The following KCNQ1OT1 variants were observed in gnomAD, a reference collection of about 807,000 sequenced individuals.
KCNQ1OT1 encodes the protein KCNQ1 opposite strand/antisense transcript 1.
chr11:2,641,838 C>T (rs1849583697), exon 1 of KCNQ1OT1: 1 of 398,366 alleles, frequency 2.5e-6, no homozygotes. Context: ...GAAACGGTTT[C>T]ATTTTTCACA....
chr11:2,632,567 A>T (rs957446617), exon 1 of KCNQ1OT1: 18 of 398,198 alleles, frequency 4.5e-5, no homozygotes, highest in Middle Eastern at 1.2e-3. Context: ...TATTTATGGG[A>T]TATACACAGT....
chr11:2,646,575 G>C, exon 1 of KCNQ1OT1: 3 of 398,592 alleles, frequency 7.5e-6, no homozygotes, highest in Non-Finnish European at 1.3e-5. Flanking sequence ...GCCCAGGCTG[G>C]GGTGCAATGG....
Position 2,677,561 on chromosome 11 carries a change from C to T in KCNQ1OT1, n.22434G>A, listed in dbSNP as rs922023094. The T allele has an allele frequency of 5.0e-6, 2 of 398,396 alleles. No homozygotes were observed. The highest frequency in any genetic ancestry group is 4.4e-5 in the Admixed American group (1 of 22,704). 24.7% of individuals were successfully genotyped at this position (398,396 alleles called of 1,614,324 possible). A position where few individuals can be genotyped will look rare whatever the true frequency, so the allele number is the denominator to read the frequency against. On this transcript the variant is annotated non_coding_transcript_exon_variant, in exon 1 of 1. Coordinates refer to ENST00000597346, the Ensembl canonical transcript of KCNQ1OT1. This position sits in a 1 kb window ranked among gnomAD's most constrained non-coding sequence, Gnocchi z 4.5. ...TATAAAAGATGCCCTCAGATGTTAC[C>T]ATATAATGCTTTACAAAAGACAAAC...
Position 2,670,730 on chromosome 11 carries a change from TG to T in KCNQ1OT1, n.29264del. 1 of 398,582 alleles carries T rather than the reference TG, an allele frequency of 2.5e-6. No homozygotes were observed. The highest frequency in any genetic ancestry group is 4.4e-6 in the Non-Finnish European group (1 of 226,078). 24.7% of individuals were successfully genotyped at this position (398,582 alleles called of 1,614,324 possible). On this transcript the variant is annotated non_coding_transcript_exon_variant, in exon 1 of 1. Transcript: ENST00000597346. This position sits in a 1 kb window ranked among gnomAD's most constrained non-coding sequence, Gnocchi z 4.9. ...GCCCATGGAGCAGGAGGGAACAGTC[TG>T]CAGATATTATCTGGGCACTGGCCAG...
At chr11:2,633,137 G>A (rs1849390743) in exon 1 of KCNQ1OT1, 2 of 398,308 alleles carry the variant, frequency 5.0e-6, no homozygotes, top group African/African-American at 4.1e-5. Flanking sequence ...GTCTCACTGT[G>A]GCTTTGACTT....
rs1192424479 is a variant in KCNQ1OT1, at chr11:2,626,843, A to T, written n.73152T>A. 1 of 398,580 alleles carries T rather than the reference A, an allele frequency of 2.5e-6. No individual in the cohort carries two copies. The highest frequency in any genetic ancestry group is 4.4e-6 in the Non-Finnish European group (1 of 226,048). The allele number at this position is 398,580 out of a possible 1,614,324, so 24.7% of individuals were successfully genotyped here. A position where few individuals can be genotyped will look rare whatever the true frequency, so the allele number is the denominator to read the frequency against. On this transcript the variant is annotated non_coding_transcript_exon_variant, in exon 1 of 1. Coordinates refer to ENST00000597346, the Ensembl canonical transcript of KCNQ1OT1. The surrounding 1 kb of genome is among the most constrained non-coding windows in gnomAD (Gnocchi z 4.0). ...GTACCTGGCCTGTAGTAAGTTTTCAAATCAGAAAGTGTGAGTCCTCCAATG... is the reference window on the plus strand; with the variant it reads ...GTACCTGGCCTGTAGTAAGTTTTCATATCAGAAAGTGTGAGTCCTCCAATG...
Position 2,674,547 on chromosome 11 carries a change from A to T in KCNQ1OT1, n.25448T>A. 2.5e-6 allele frequency: 1 copy of T among 398,614 alleles called. No homozygotes were observed. The highest frequency in any genetic ancestry group is 4.4e-6 in the Non-Finnish European group (1 of 226,054). The allele number at this position is 398,614 out of a possible 1,614,324, so 24.7% of individuals were successfully genotyped here. Reference sequence around the variant, plus strand: ...AAGCCCATTCGGAGGATTTAGACAAATACCTCGAGTGAGTGAATCTGAAGC... The same window carrying T: ...AAGCCCATTCGGAGGATTTAGACAATTACCTCGAGTGAGTGAATCTGAAGC... On this transcript the variant is annotated non_coding_transcript_exon_variant, in exon 1 of 1. Transcript: ENST00000597346. This position sits in a 1 kb window ranked among gnomAD's most constrained non-coding sequence, Gnocchi z 5.9.
chr11:2,622,972 T>G (rs1849199789), exon 1 of KCNQ1OT1: 6 of 398,658 alleles, frequency 1.5e-5, no homozygotes, highest in Admixed American at 4.4e-5. Flanking sequence ...TTGATATGGT[T>G]TGGCTCTGTG....
chr11:2,677,577 A>T lies in KCNQ1OT1; in HGVS notation n.22418T>A. The T allele has an allele frequency of 2.5e-6, 1 of 398,654 alleles. No individual in the cohort carries two copies. The highest frequency in any genetic ancestry group is 3.6e-5 in the East Asian group (1 of 28,078). The allele number at this position is 398,654 out of a possible 1,614,324, so 24.7% of individuals were successfully genotyped here. On this transcript the variant is annotated non_coding_transcript_exon_variant, in exon 1 of 1. Transcript: ENST00000597346. The surrounding 1 kb of genome is among the most constrained non-coding windows in gnomAD (Gnocchi z 4.5). Reference sequence around the variant, plus strand: ...AGATGTTACCATATAATGCTTTACAAAAGACAAACCAAAATCCCCTCTGGA... The same window carrying T: ...AGATGTTACCATATAATGCTTTACATAAGACAAACCAAAATCCCCTCTGGA...
Position 2,617,985 on chromosome 11 carries a change from GCCTTTT to G in KCNQ1OT1, n.82004_82009del, listed in dbSNP as rs1196312139. ...AATATTTTCTTCTAGTCCATAGGTT[GCCTTTT>G]CCTTTTGTTGACTGTTTCCGTTCCT... On this transcript the variant is annotated non_coding_transcript_exon_variant, in exon 1 of 1. Coordinates refer to ENST00000597346, the Ensembl canonical transcript of KCNQ1OT1. This position sits in a 1 kb window ranked among gnomAD's most constrained non-coding sequence, Gnocchi z 4.6. 2.5e-6 allele frequency: 1 copy of G among 398,362 alleles called. No homozygotes were observed. Among genetic ancestry groups the G allele is most frequent in the Non-Finnish European group, 4.4e-6 (1 of 226,048 alleles). The allele number at this position is 398,362 out of a possible 1,614,324, so 24.7% of individuals were successfully genotyped here. A position where few individuals can be genotyped will look rare whatever the true frequency, so the allele number is the denominator to read the frequency against.
rs1017791484 is a variant in KCNQ1OT1, at chr11:2,669,219, G to A, written n.30776C>T. 2 of 398,584 alleles carry A rather than the reference G, an allele frequency of 5.0e-6. No homozygotes were observed. Among genetic ancestry groups the A allele is most frequent in the Non-Finnish European group, 8.8e-6 (2 of 226,120 alleles). 24.7% of individuals were successfully genotyped at this position (398,584 alleles called of 1,614,324 possible). A position where few individuals can be genotyped will look rare whatever the true frequency, so the allele number is the denominator to read the frequency against. On this transcript the variant is annotated non_coding_transcript_exon_variant, in exon 1 of 1. Transcript: ENST00000597346. The surrounding 1 kb of genome is among the most constrained non-coding windows in gnomAD (Gnocchi z 5.6). ...TGTAGTTTGCTAACAGGTTTTGACA[G>A]CTGGTCCTGCTGGCTCTGGCTGCTT... is the stretch of plus-strand genomic sequence containing the variant.
exon 1 of KCNQ1OT1, chr11:2,625,283 C>G: frequency 2.5e-6 from 1 of 398,674 alleles, no homozygotes; most frequent in Non-Finnish European, 4.4e-6. Context: ...CAAGATCTGG[C>G]TCTGTCACTT....
rs1193557714 is a variant in KCNQ1OT1 at position 2,643,249 on chromosome 11, G to A, written n.56746C>T. The A allele has an allele frequency of 5.0e-6, 2 of 398,034 alleles. 1 individual carries two copies. The highest frequency in any genetic ancestry group is 4.1e-5 in the African/African-American group (2 of 48,580). The allele number at this position is 398,034 out of a possible 1,614,324, so 24.7% of individuals were successfully genotyped here. A position where few individuals can be genotyped will look rare whatever the true frequency, so the allele number is the denominator to read the frequency against. ...TGTCTAGATGATCTGTCTAATACTGGAAATGGAGAATTGAAGTTCCCAAGA... is the reference window on the plus strand; with the variant it reads ...TGTCTAGATGATCTGTCTAATACTGAAAATGGAGAATTGAAGTTCCCAAGA... On this transcript the variant is annotated non_coding_transcript_exon_variant, in exon 1 of 1. Transcript: ENST00000597346.
chr11:2,656,896 A>T (rs542993308), exon 1 of KCNQ1OT1: 11 of 398,606 alleles, frequency 2.8e-5, no homozygotes, highest in African/African-American at 2.3e-4. Context: ...AATTTTTGGT[A>T]TATGATGTGA....
exon 1 of KCNQ1OT1, chr11:2,662,429 C>T: frequency 2.0e-6 from 1 of 503,834 alleles, no homozygotes. Context: ...TTAGCATTTC[C>T]CCATGGAACC....
At position 2,674,796 on chromosome 11, in the gene KCNQ1OT1, C is replaced by T. The variant is rs1850261788; in HGVS notation, n.25199G>A. The T allele has an allele frequency of 2.5e-6, 1 of 392,484 alleles. No individual in the cohort carries two copies. Among genetic ancestry groups the T allele is most frequent in the Non-Finnish European group, 4.4e-6 (1 of 225,436 alleles). 24.3% of individuals were successfully genotyped at this position (392,484 alleles called of 1,614,324 possible). On this transcript the variant is annotated non_coding_transcript_exon_variant, in exon 1 of 1. Transcript: ENST00000597346. The surrounding 1 kb of genome is among the most constrained non-coding windows in gnomAD (Gnocchi z 5.9). The stretch of plus-strand genomic sequence containing the variant: ...CCTGGAAACTCTCGCCAACTGCTGG[C>T]CTTTGGAAAGGCTTGTCACCCTAAT...
At chr11:2,675,806 G>A (rs897342564) in exon 1 of KCNQ1OT1, 10 of 398,606 alleles carry the variant, frequency 2.5e-5, no homozygotes, top group Non-Finnish European at 3.5e-5. Context: ...TACCAGCCAC[G>A]TGCATGCAGG....
In KCNQ1OT1 at chr11:2,659,227, C is replaced by G. The variant is rs528772280; in HGVS notation, n.40768G>C. ...TATCATTCACAGAAGTTCCATACCC[C>G]TAAAAATACCCTGGGGTGAGTCTTT... On this transcript the variant is annotated non_coding_transcript_exon_variant, in exon 1 of 1. Coordinates refer to ENST00000597346, the Ensembl canonical transcript of KCNQ1OT1. This position sits in a 1 kb window ranked among gnomAD's most constrained non-coding sequence, Gnocchi z 4.3. 2.3e-5 allele frequency: 9 copies of G among 398,650 alleles called. No individual in the cohort carries two copies. The East Asian group carries it at 2.8e-4, about 13-fold the overall frequency. 24.7% of individuals were successfully genotyped at this position (398,650 alleles called of 1,614,324 possible). A position where few individuals can be genotyped will look rare whatever the true frequency, so the allele number is the denominator to read the frequency against.
exon 1 of KCNQ1OT1, chr11:2,672,171 G>C: frequency 2.5e-6 from 1 of 398,612 alleles, no homozygotes; most frequent in Non-Finnish European, 4.4e-6. Context: ...GTTTTTCAGT[G>C]TTTTCTTTAG....
Sources: gnomAD v4.1 joint callset for allele counts on GRCh38, gnomAD v4.1.1 for gene constraint, Gnocchi (gnomAD v3.1) non-coding constraint, MANE v1.5 for transcripts, NCBI Gene and HGNC (gene_info 2026-07-23, HGNC 2026-07-21) for gene names.